Variants in RAPGEF4 observed in about 807,000 individuals in gnomAD.
The protein encoded by RAPGEF4 is Rap guanine nucleotide exchange factor 4, also known as RAP guanine-nucleotide-exchange factor (GEF) 4.
A neutral mutation model predicts 147.9 loss-of-function variants in RAPGEF4; 66 were observed. That is an observed-to-expected ratio of 0.45 (90% CI 0.37 to 0.55). The LOEUF (loss-of-function observed/expected upper bound fraction) is 0.55, where lower values mean the gene tolerates loss of function less well. Ranked by LOEUF, RAPGEF4 falls within the 20% of genes least tolerant of loss-of-function variation. The pLI is 0.00. For missense variants in RAPGEF4, 1,071 were observed against 1,257.3 expected, an observed-to-expected ratio of 0.85 and a Z score of 2.24; for synonymous variants, 419 against 442.7, an observed-to-expected ratio of 0.95 and a Z score of 0.67.
At chr2:172,886,446 T>G (rs146062861) in intron 4 of RAPGEF4, among the ~76,000 whole-genome samples, 130 of 152,294 alleles carry the variant, frequency 8.5e-4, no homozygotes, top group African/African-American at 3.1e-3. Context: ...TGCTCACTAT[T>G]AGAAAGAACC....
At chr2:172,930,700 C>T (rs1685829760) in intron 6 of RAPGEF4, among the ~76,000 whole-genome samples, 1 of 152,102 alleles carries the variant, frequency 6.6e-6, no homozygotes, top group Admixed American at 6.6e-5. Context: ...GATTTGATTC[C>T]ATATTCAAGG....
chr2:172,883,660 C>T (rs964486296), intron 4 of RAPGEF4, among the ~76,000 whole-genome samples: 3 of 151,906 alleles, frequency 2.0e-5, no homozygotes, highest in Non-Finnish European at 2.9e-5. Flanking sequence ...GAAGTTTTAC[C>T]CAGAAGATGT....
intron 4 of RAPGEF4, among the ~76,000 whole-genome samples, chr2:172,861,153 C>G (rs910395651): frequency 2.6e-5 from 4 of 152,116 alleles, no homozygotes; most frequent in East Asian, 1.9e-4. Context: ...GATTGTTGCT[C>G]TGAGGGAAAT....
intron 3 of RAPGEF4, among the ~76,000 whole-genome samples, chr2:172,802,126 G>A (rs1035740709): frequency 5.9e-5 from 9 of 152,118 alleles, no homozygotes; most frequent in Non-Finnish European, 1.3e-4. Context: ...TCCTGACTTG[G>A]GTGAAGAGGT....
At chr2:172,811,182 C>T (rs949374295) in intron 3 of RAPGEF4, among the ~76,000 whole-genome samples, 1 of 152,240 alleles carries the variant, frequency 6.6e-6, no homozygotes, top group African/African-American at 2.4e-5. Flanking sequence ...TAGCACTCTG[C>T]CCTCAGGCAG....
At chr2:172,749,233 A>G (rs1246993190) in intron 1 of RAPGEF4, among the ~76,000 whole-genome samples, 1 of 152,198 alleles carries the variant, frequency 6.6e-6, no homozygotes, top group African/African-American at 2.4e-5. Context: ...AGGGGCTTCA[A>G]TCCCACATTT....
rs1019128984 is a variant in RAPGEF4, at chr2:172,740,331, C to G, written c.65+4283C>G. Among the ~76,000 whole-genome samples, 3 of 152,310 alleles carry G rather than the reference C, an allele frequency of 2.0e-5. 1 individual carries two copies. The East Asian group carries it at 5.8e-4, about 29-fold the overall frequency. ...TGGAGAAAGGTTCTCAGTTGATTGG[C>G]TTATTTGAGGAACACTGGCCGTCAC... On this transcript the variant is annotated intron_variant, in intron 1 of 30. Transcript: ENST00000397081.
intron 4 of RAPGEF4, among the ~76,000 whole-genome samples, chr2:172,825,063 C>G (rs984198170): frequency 1.2e-4 from 19 of 152,204 alleles, no homozygotes; most frequent in African/African-American, 4.6e-4. Flanking sequence ...CCATCGTGAC[C>G]ATTATATATA....
intron 9 of RAPGEF4, among the ~76,000 whole-genome samples, chr2:172,966,188 T>A (rs1231497791): frequency 6.6e-6 from 1 of 152,250 alleles, no homozygotes; most frequent in Non-Finnish European, 1.5e-5. Flanking sequence ...TGGCTCTTGA[T>A]AACTGCAGGG....
In RAPGEF4 at chr2:173,040,981, T is replaced by C. The variant is rs540679074; in HGVS notation, c.2853+4289T>C. On this transcript the variant is annotated intron_variant, in intron 29 of 30. Coordinates refer to ENST00000397081, the MANE Select transcript of RAPGEF4 (RefSeq NM_007023.4). Reference sequence around the variant, plus strand: ...CTGCATAAAGCATGCTGATAAGAGATTGGTTCTATTTCAGACATACCCATA... The same window carrying C: ...CTGCATAAAGCATGCTGATAAGAGACTGGTTCTATTTCAGACATACCCATA... Among the ~76,000 whole-genome samples the C allele has an allele frequency of 2.2e-4, 33 of 152,256 alleles. No homozygotes were observed. The South Asian group carries it at 5.4e-3, about 25-fold the overall frequency.
intron 1 of RAPGEF4, among the ~76,000 whole-genome samples, chr2:172,741,926 G>A (rs990968070): frequency 2.0e-5 from 3 of 152,132 alleles, no homozygotes; most frequent in Non-Finnish European, 2.9e-5. Flanking sequence ...TCCCACCTTG[G>A]CCTCCCAAAG....
intron 4 of RAPGEF4, among the ~76,000 whole-genome samples, chr2:172,851,984 G>A (rs938708043): frequency 1.3e-5 from 2 of 152,112 alleles, no homozygotes; most frequent in African/African-American, 4.8e-5. Flanking sequence ...GAATTATGCT[G>A]TAAATACGAT....
chr2:172,805,987 A>G (rs1377663004), intron 3 of RAPGEF4, among the ~76,000 whole-genome samples: 1 of 151,660 alleles, frequency 6.6e-6, no homozygotes, highest in African/African-American at 2.4e-5. Flanking sequence ...ATAGGATTAT[A>G]AATCTCATTG....
chr2:173,030,330 T>C, intron 26 of RAPGEF4, 76 bp downstream of exon 26: 1 of 1,147,884 alleles, frequency 8.7e-7, no homozygotes, highest in South Asian at 1.3e-5. Context: ...AGCTTTTTAA[T>C]AGAAATATCA....
intron 4 of RAPGEF4, among the ~76,000 whole-genome samples, chr2:172,828,407 C>T (rs930958848): frequency 6.6e-6 from 1 of 152,318 alleles, no homozygotes; most frequent in Middle Eastern, 3.4e-3. Context: ...GAGGGACAAT[C>T]TTCTCTCATC....
At chr2:173,011,464 T>A (rs947560871) in intron 17 of RAPGEF4, among the ~76,000 whole-genome samples, 4 of 152,152 alleles carry the variant, frequency 2.6e-5, no homozygotes, top group African/African-American at 9.7e-5. Flanking sequence ...AAAGCATCAT[T>A]TGATAGCATA....
chr2:172,890,475 G>C (rs1383869265), intron 4 of RAPGEF4, among the ~76,000 whole-genome samples: 1 of 152,156 alleles, frequency 6.6e-6, no homozygotes, highest in African/African-American at 2.4e-5. Context: ...TATTTTGGGA[G>C]GTATTATTTC....
intron 5 of RAPGEF4, among the ~76,000 whole-genome samples, chr2:172,920,925 T>C (rs748754104): frequency 1.3e-5 from 2 of 152,074 alleles, no homozygotes; most frequent in Non-Finnish European, 2.9e-5. Context: ...GTTAATACTC[T>C]CTGTTTCAGA....
chr2:172,955,012 T>C (rs1688586360), intron 6 of RAPGEF4, among the ~76,000 whole-genome samples: 1 of 152,184 alleles, frequency 6.6e-6, no homozygotes, highest in Non-Finnish European at 1.5e-5. Flanking sequence ...TTGAATCAGA[T>C]TGGATGTGGA....
Sources: allele counts gnomAD v4.1 joint callset (sites outside exome capture counted in the v4.1 genomes callset), GRCh38; gene constraint gnomAD v4.1.1; transcripts MANE v1.5; gene names NCBI Gene and HGNC (gene_info 2026-07-23, HGNC 2026-07-21).